LARGE1: variants seen among roughly 807,000 people sequenced by gnomAD.
The protein encoded by LARGE1 is xylosyl- and glucuronyltransferase LARGE1.
In LARGE1, 43 loss-of-function variants were observed where a neutral mutation model predicts 87.6. The ratio of observed to expected loss-of-function variants is 0.49; its 90% CI spans 0.38 to 0.63. LARGE1 has a LOEUF of 0.63. Among genes scored for constraint, LARGE1 ranks in the 30% least tolerant of loss-of-function variants. The pLI is 0.00. For missense variants in LARGE1, 802 were observed against 1,000.2 expected, an observed-to-expected ratio of 0.80 and a Z score of 2.67; for synonymous variants, 434 against 394.6, an observed-to-expected ratio of 1.10 and a Z score of -1.18.
chr22:33,360,030 T>C (rs5754535), intron 9 of LARGE1, among the ~76,000 whole-genome samples: 69,002 of 148,816 alleles, frequency 0.46, 19,259 homozygotes, highest in African/African-American at 0.64. Flanking sequence ...AGTCCATTCT[T>C]ACATTGCTAT....
At chr22:33,095,394 T>C in the LARGE1 span, among the ~76,000 whole-genome samples, 3 of 152,228 alleles carry the variant, frequency 2.0e-5, no homozygotes, top group Non-Finnish European at 4.4e-5. Context: ...CCTGTGTCAC[T>C]GTGTCCTCTC....
In LARGE1 at chr22:33,650,557, T is replaced by A. The variant is rs1373970487; in HGVS notation, c.218A>T (p.Glu73Val). Reference protein sequence around the residue: ...ESLEVRMREVEEENRALRRQL... With the variant: ...ESLEVRMREVVEENRALRRQL... ...CCTGCGGAGGGCGCGGTTCTCCTCC[T>A]CCACCTCGCGCATGCGCACCTCCAG... Residue 73 changes from glutamate to valine, a missense_variant, in exon 3 of 15, where the codon GAG becomes GTG. By Grantham distance (121) the Glu-to-Val change is moderately radical. Around this residue, in one of 2 missense-constraint regions of LARGE1, gnomAD observed 177 missense variants for 158.3 expected, o/e 1.12. Coordinates refer to ENST00000397394, the MANE Select transcript of LARGE1 (RefSeq NM_133642.5). 1 of 1,608,652 alleles carries A rather than the reference T, an allele frequency of 6.2e-7. No homozygotes were observed. Among genetic ancestry groups the A allele is most frequent in the Non-Finnish European group, 8.5e-7 (1 of 1,179,916 alleles).
intron 1 of LARGE1, among the ~76,000 whole-genome samples, chr22:33,766,665 TCCAC>T (rs1473510097): frequency 6.6e-6 from 1 of 151,824 alleles, no homozygotes; most frequent in African/African-American, 2.4e-5. Flanking sequence ...CCTCAGGTGA[TCCAC>T]CTGCCTCGGC....
At chr22:33,427,176 C>G in intron 7 of LARGE1, among the ~76,000 whole-genome samples, 1 of 152,224 alleles carries the variant, frequency 6.6e-6, no homozygotes, top group East Asian at 1.9e-4. Context: ...GGGTGAATGA[C>G]AGCTTCTTGC....
the LARGE1 span, among the ~76,000 whole-genome samples, chr22:33,101,877 T>A: frequency 1.2e-4 from 19 of 152,346 alleles, no homozygotes; most frequent in Admixed American, 3.3e-4. Flanking sequence ...TATGTTTCTG[T>A]GAGTTCCTTT....
intron 1 of LARGE1, among the ~76,000 whole-genome samples, chr22:33,821,599 T>TG (rs1479916492): frequency 6.6e-6 from 1 of 152,184 alleles, no homozygotes; most frequent in Admixed American, 6.5e-5. Flanking sequence ...TCTAAGAGCA[T>TG]GCCGAGAAGG....
intron 6 of LARGE1, among the ~76,000 whole-genome samples, chr22:33,478,364 A>T (rs2069169210): frequency 6.6e-6 from 1 of 152,196 alleles, no homozygotes; most frequent in South Asian, 2.1e-4. Flanking sequence ...CAATCTCCCC[A>T]ATGTATTTAG....
At chr22:33,316,274 G>A in intron 10 of LARGE1, 26 bp from the exon 11 acceptor site, 10 of 1,611,168 alleles carry the variant, frequency 6.2e-6, no homozygotes, top group African/African-American at 1.3e-5. Flanking sequence ...GAGGGCTTGG[G>A]CACGTGAAGA....
At chr22:33,494,497 T>C (rs1032761176) in intron 6 of LARGE1, among the ~76,000 whole-genome samples, 9 of 152,258 alleles carry the variant, frequency 5.9e-5, no homozygotes, top group Non-Finnish European at 8.8e-5. Context: ...TGACAATGAT[T>C]CCATTAAAAG....
At chr22:33,573,845 T>C (rs548224863) in intron 5 of LARGE1, among the ~76,000 whole-genome samples, 1 of 152,262 alleles carries the variant, frequency 6.6e-6, no homozygotes, top group African/African-American at 2.4e-5. Flanking sequence ...GGCTCCCACA[T>C]ACATGCCCGG....
At chr22:33,781,804 A>G (rs563675639) in intron 1 of LARGE1, among the ~76,000 whole-genome samples, 1 of 152,368 alleles carries the variant, frequency 6.6e-6, no homozygotes, top group African/African-American at 2.4e-5. Context: ...AAATAGATAT[A>G]CATAAGATAT....
At chr22:33,434,938 A>G (rs1262040840) in intron 6 of LARGE1, among the ~76,000 whole-genome samples, 1 of 151,940 alleles carries the variant, frequency 6.6e-6, no homozygotes, top group Non-Finnish European at 1.5e-5. Flanking sequence ...CTTTATCTTC[A>G]TTCCCATATT....
chr22:33,589,643 T>C (rs135117), intron 5 of LARGE1, among the ~76,000 whole-genome samples: 90,575 of 152,006 alleles, frequency 0.6, 27,458 homozygotes, highest in African/African-American at 0.72. Flanking sequence ...TTTCAATTAC[T>C]GCATGAAATG....
rs377192297 is a variant in LARGE1 at position 33,672,806 on chromosome 22, G to A, written c.107-22138C>T. Reference sequence around the variant, plus strand: ...ATCTGCATTTCATAAATATCTATACGGCACCTATTATGTGCAAGACAATAT... The same window carrying A: ...ATCTGCATTTCATAAATATCTATACAGCACCTATTATGTGCAAGACAATAT... On this transcript the variant is annotated intron_variant, in intron 2 of 14. Coordinates refer to ENST00000397394, the MANE Select transcript of LARGE1 (RefSeq NM_133642.5). 5.3e-5 allele frequency among the ~76,000 whole-genome samples: 8 copies of A among 152,194 alleles called. No individual in the cohort carries two copies. The East Asian group carries it at 7.7e-4, about 15-fold the overall frequency.
At chr22:33,128,297 C>A in the LARGE1 span, among the ~76,000 whole-genome samples, 6 of 152,158 alleles carry the variant, frequency 3.9e-5, no homozygotes, top group Non-Finnish European at 7.3e-5. Context: ...AAGATACATG[C>A]GTGGGTATGT....
At chr22:33,168,045 T>C (rs1335358537) in intron 11 of LARGE1, among the ~76,000 whole-genome samples, 3 of 152,194 alleles carry the variant, frequency 2.0e-5, no homozygotes, top group Non-Finnish European at 2.9e-5. Flanking sequence ...GTCTTTTTCC[T>C]TTTAGTGGGT....
chr22:33,486,200 C>T (rs1429038939), intron 6 of LARGE1, among the ~76,000 whole-genome samples: 1 of 152,212 alleles, frequency 6.6e-6, no homozygotes, highest in Non-Finnish European at 1.5e-5. Flanking sequence ...CAGTTTCACA[C>T]TGATAGAAAT....
At chr22:33,222,818 T>G (rs977704910) in intron 11 of LARGE1, among the ~76,000 whole-genome samples, 2 of 152,158 alleles carry the variant, frequency 1.3e-5, no homozygotes, top group Non-Finnish European at 1.5e-5. Context: ...TTTTGGCAAT[T>G]TGTTACCGCA....
At chr22:33,340,430 G>A (rs1939017681) in intron 9 of LARGE1, among the ~76,000 whole-genome samples, 1 of 151,858 alleles carries the variant, frequency 6.6e-6, no homozygotes, top group Non-Finnish European at 1.5e-5. Flanking sequence ...GTCCAGGTGA[G>A]GGAAATCACA....
Sources: gnomAD v4.1 joint callset for allele counts (sites outside exome capture counted in the v4.1 genomes callset) on GRCh38, gnomAD v4.1.1 for gene constraint, gnomAD v4.1.1 regional missense constraint, MANE v1.5 for transcripts, NCBI Gene and HGNC (gene_info 2026-07-23, HGNC 2026-07-21) for gene names.